Variants in MCMBP observed in about 807,000 individuals in gnomAD.
The protein encoded by MCMBP is minichromosome maintenance complex binding protein.
Under a neutral mutation model 81.3 loss-of-function variants are expected in MCMBP, and 31 were observed. That is an observed-to-expected ratio of 0.38 (90% confidence interval 0.29 to 0.51). MCMBP has a LOEUF of 0.51. Ranked by LOEUF, MCMBP falls within the 20% of genes least tolerant of loss-of-function variation. The pLI is 0.87. For missense variants in MCMBP, 645 were observed against 772.1 expected (o/e 0.84, Z 1.95); for synonymous variants, 267 against 275.9 (o/e 0.97, Z 0.32).
chr10:119,864,045 A>G (rs1853360830), intron 1 of MCMBP, among the ~76,000 whole-genome samples: 1 of 152,162 alleles, frequency 6.6e-6, no homozygotes, highest in Non-Finnish European at 1.5e-5. Context: ...ATGTAATCAC[A>G]ACGGTCCTTA....
At chr10:119,862,197 C>G (rs1853282045) in intron 1 of MCMBP, among the ~76,000 whole-genome samples, 1 of 152,166 alleles carries the variant, frequency 6.6e-6, no homozygotes, top group South Asian at 2.1e-4. Flanking sequence ...ATCCCAGCTA[C>G]TTGGGAGGCT....
intron 1 of MCMBP, among the ~76,000 whole-genome samples, chr10:119,866,092 A>C (rs1589801857): frequency 1.1e-5 from 1 of 89,280 alleles, no homozygotes; most frequent in Admixed American, 1.2e-4. Context: ...TCTATCTCTT[A>C]AAAAAAAAAA....
intron 1 of MCMBP, among the ~76,000 whole-genome samples, chr10:119,864,058 T>A (rs1044339106): frequency 6.6e-6 from 1 of 151,332 alleles, no homozygotes; most frequent in African/African-American, 2.4e-5. Flanking sequence ...GGTCCTTAAA[T>A]GTGGAAGGAT....
chr10:119,830,143 G>T lies in MCMBP; in HGVS notation c.*1331C>A, dbSNP rs545172669. ...TAGTTATTTTTACTTCAGTTATTAGGTACAATGAATTCCTTGATTTTTCAA... is the reference window on the plus strand; with the variant it reads ...TAGTTATTTTTACTTCAGTTATTAGTTACAATGAATTCCTTGATTTTTCAA... On this transcript the variant is annotated 3_prime_UTR_variant, in exon 16 of 16. Coordinates refer to ENST00000369077, the MANE Select transcript of MCMBP (RefSeq NM_001256378.2). 1.3e-5 allele frequency: 2 copies of T among 152,550 alleles called. No individual in the cohort carries two copies. Among genetic ancestry groups the T allele is most frequent in the African/African-American group, 4.8e-5 (2 of 41,402 alleles). The allele number at this position is 152,550 out of a possible 1,614,324, so 9.4% of individuals were successfully genotyped here.
At chr10:119,853,917 C>T (rs550105439) in intron 5 of MCMBP, among the ~76,000 whole-genome samples, 12 of 152,292 alleles carry the variant, frequency 7.9e-5, no homozygotes, top group Admixed American at 2.6e-4. Context: ...TAACAAATCC[C>T]AGGTGGATGC....
chr10:119,842,988 G>A, intron 9 of MCMBP: 4 of 412,350 alleles, frequency 9.7e-6, no homozygotes, highest in Non-Finnish European at 1.4e-5. Flanking sequence ...CCTGACCTCA[G>A]GTGATCCACC....
chr10:119,859,897 T>C lies in MCMBP; in HGVS notation c.59-13A>G, dbSNP rs1853189952. On this transcript the variant is annotated splice_polypyrimidine_tract_variant and intron_variant, in intron 1 of 15. Transcript: ENST00000369077. ...ACTCCATTTTGGGCTGAAAGAGAAA[T>C]ATACTTTTCAAAGCTAATGTACATG... 2 of 1,592,482 alleles carry C rather than the reference T, an allele frequency of 1.3e-6. No individual in the cohort carries two copies. The highest frequency in any genetic ancestry group is 1.7e-6 in the Non-Finnish European group (2 of 1,163,130).
chr10:119,869,692 T>C (rs1853598912), intron 1 of MCMBP, among the ~76,000 whole-genome samples: 1 of 151,964 alleles, frequency 6.6e-6, no homozygotes, highest in East Asian at 1.9e-4. Flanking sequence ...GATCACACTG[T>C]TGCACTCCAG....
At chr10:119,839,621 A>C (rs934921763) in intron 11 of MCMBP, among the ~76,000 whole-genome samples, 3 of 152,192 alleles carry the variant, frequency 2.0e-5, no homozygotes, top group Admixed American at 2.0e-4. Flanking sequence ...GAATTGCTTA[A>C]ACCCTTTTAC....
At chr10:119,866,716 T>C (rs903020741) in intron 1 of MCMBP, among the ~76,000 whole-genome samples, 4 of 152,210 alleles carry the variant, frequency 2.6e-5, no homozygotes, top group Non-Finnish European at 4.4e-5. Flanking sequence ...TTTAAAATGT[T>C]AAATTTTGTT....
At chr10:119,833,174 ACAGAG>A in intron 14 of MCMBP, among the ~76,000 whole-genome samples, 1 of 152,328 alleles carries the variant, frequency 6.6e-6, no homozygotes, top group South Asian at 2.1e-4. Context: ...CACAAAACTA[ACAGAG>A]CAGAGACTTC....
chr10:119,867,653 T>C (rs1025573746), intron 1 of MCMBP, among the ~76,000 whole-genome samples: 1 of 151,998 alleles, frequency 6.6e-6, no homozygotes, highest in African/African-American at 2.4e-5. Flanking sequence ...ACAAGTAAAT[T>C]TGGGAGACAT....
At chr10:119,872,284 C>T (rs1019237486) in intron 1 of MCMBP, among the ~76,000 whole-genome samples, 2 of 152,054 alleles carry the variant, frequency 1.3e-5, no homozygotes, top group African/African-American at 2.4e-5. Context: ...ACGACTTCAC[C>T]TTGGCGGCTC....
chr10:119,842,770 T>C (rs1018202130), intron 9 of MCMBP, 175 bp from the exon 10 acceptor site: 4 of 526,508 alleles, frequency 7.6e-6, no homozygotes, highest in African/African-American at 5.9e-5. Context: ...CATCCTCCTT[T>C]TTTTTTTTTT....
At chr10:119,873,084 G>A (rs1853772332), upstream of MCMBP, among the ~76,000 whole-genome samples, 1 of 152,088 alleles carries the variant, frequency 6.6e-6, no homozygotes. Flanking sequence ...CCCTGGGCCG[G>A]CGTGTAGCGG....
chr10:119,858,359 G>GT (rs1241996530), intron 4 of MCMBP: 1 of 149,704 alleles, frequency 6.7e-6, no homozygotes, highest in Non-Finnish European at 1.5e-5. Context: ...ATCCTTGCTT[G>GT]TATGTATTAG....
intron 6 of MCMBP, among the ~76,000 whole-genome samples, chr10:119,852,220 C>T (rs1332440846): frequency 7.0e-6 from 1 of 143,196 alleles, no homozygotes; most frequent in Non-Finnish European, 1.5e-5. Flanking sequence ...AATGACCAGA[C>T]TGATTTGTTT....
At chr10:119,838,427 C>A in intron 12 of MCMBP, 108 bp downstream of exon 12, 1 of 1,023,574 alleles carries the variant, frequency 9.8e-7, no homozygotes, top group Non-Finnish European at 1.4e-6. Flanking sequence ...CTTTATCTTA[C>A]GTTGTTAAAT....
chr10:119,842,362 T>C (rs1318444507), intron 10 of MCMBP, 110 bp downstream of exon 10: 3 of 1,236,146 alleles, frequency 2.4e-6, no homozygotes, highest in African/African-American at 1.5e-5. Flanking sequence ...ATAAAAACCA[T>C]GTGATGAAGC....
Sources: allele counts gnomAD v4.1 joint callset (sites outside exome capture counted in the v4.1 genomes callset), GRCh38; gene constraint gnomAD v4.1.1; transcripts MANE v1.5; gene names NCBI Gene and HGNC (gene_info 2026-07-23, HGNC 2026-07-21).